DDAH1: variants seen among roughly 807,000 people sequenced by gnomAD.
The protein encoded by DDAH1 is N(G),N(G)-dimethylarginine dimethylaminohydrolase 1.
DDAH1 carries 19 observed loss-of-function variants against 28.8 expected under a neutral mutation model. The observed-to-expected ratio is 0.66, with a 90% CI of 0.46 to 0.97. The LOEUF (loss-of-function observed/expected upper bound fraction) is 0.97. Ranked by LOEUF, DDAH1 falls within the 50% of genes least tolerant of loss-of-function variation. The pLI is 0.00. For synonymous variants in DDAH1, 153 were observed against 154.4 expected (o/e 0.99, Z 0.07); for missense variants, 326 against 375.9 (o/e 0.87, Z 1.10).
intron 1 of DDAH1, among the ~76,000 whole-genome samples, chr1:85,365,057 T>C (rs1223966204): frequency 5.9e-5 from 9 of 152,210 alleles, no homozygotes; most frequent in Admixed American, 5.9e-4. Flanking sequence ...TGCCAGGCAC[T>C]CTACTATGAA....
At chr1:85,343,413 G>A (rs990800738) in intron 4 of DDAH1, among the ~76,000 whole-genome samples, 4 of 152,236 alleles carry the variant, frequency 2.6e-5, no homozygotes, top group African/African-American at 9.6e-5. Flanking sequence ...CCAGGAAAAG[G>A]AGCATAAACA....
In DDAH1 at chr1:85,465,018, A is replaced by G; in HGVS notation, c.28T>C (p.Phe10Leu). 1 of 1,336,882 alleles carries G rather than the reference A, an allele frequency of 7.5e-7. No individual in the cohort carries two copies. Among genetic ancestry groups the G allele is most frequent in the South Asian group, 2.0e-5 (1 of 51,122 alleles). 82.8% of individuals were successfully genotyped at this position (1,336,882 alleles called of 1,614,324 possible). The change falls in exon 1 of 6, where the codon TTC (phenylalanine) becomes CTC (leucine). Residue 10 changes from phenylalanine to leucine, a missense_variant. Coordinates refer to ENST00000284031, the MANE Select transcript of DDAH1 (RefSeq NM_012137.4). ...ACCACGGCGTGGGTGGCCCGGCCGAAGGCGGCGGGGTGGCCGAGCCCGGCC... is the reference window on the plus strand; with the variant it reads ...ACCACGGCGTGGGTGGCCCGGCCGAGGGCGGCGGGGTGGCCGAGCCCGGCC... The part of the protein sequence containing the change: MAGLGHPAA[F>L]GRATHAVVRA...
intron 1 of DDAH1, among the ~76,000 whole-genome samples, chr1:85,558,327 A>G (rs1245006880): frequency 6.6e-6 from 1 of 152,226 alleles, no homozygotes; most frequent in Non-Finnish European, 1.5e-5. Context: ...GCACGACTGC[A>G]CTCCAGCCTG....
At chr1:85,325,282 C>A (rs1647300878) in intron 4 of DDAH1, among the ~76,000 whole-genome samples, 2 of 152,112 alleles carry the variant, frequency 1.3e-5, no homozygotes. Flanking sequence ...AAGGGCCATA[C>A]CAGTAATCAG....
At chr1:85,400,237 C>A (rs1652023820) in intron 1 of DDAH1, among the ~76,000 whole-genome samples, 1 of 66,884 alleles carries the variant, frequency 1.5e-5, no homozygotes, top group Non-Finnish European at 2.7e-5. Context: ...GTTGCCCAGG[C>A]TGGAAGTACA....
intron 4 of DDAH1, among the ~76,000 whole-genome samples, chr1:85,347,057 C>T (rs4001163): frequency 0.29 from 43,634 of 151,660 alleles, 7,118 homozygotes; most frequent in South Asian, 0.4. Context: ...AAATCAAAAC[C>T]ACAATGAGAT....
intron 2 of DDAH1, among the ~76,000 whole-genome samples, chr1:85,354,790 T>C (rs1649406233): frequency 1.3e-5 from 2 of 152,016 alleles, no homozygotes; most frequent in South Asian, 2.1e-4. Context: ...TCTGCTAAAG[T>C]AGTACTTGGA....
chr1:85,529,784 A>G (rs1328973903), intron 1 of DDAH1, among the ~76,000 whole-genome samples: 2 of 148,404 alleles, frequency 1.3e-5, no homozygotes, highest in African/African-American at 5.0e-5. Flanking sequence ...TTTTCTGGTC[A>G]CTCCATAACA....
At position 85,464,871 on chromosome 1, in the gene DDAH1, C is replaced by T. The variant is rs372772469; in HGVS notation, c.175G>A (p.Gly59Arg). The change falls in exon 1 of 6, where the codon GGG becomes AGG. Residue 59 changes from glycine to arginine, a missense_variant. Transcript: ENST00000284031. This position sits in a 1 kb window ranked among gnomAD's most constrained non-coding sequence, Gnocchi z 4.4. ...GCCGGCAGCTCCACCACCTGCAGCC[C>T]CAGCTTGCTGCCCAGCACGCCCACG... ...LYVGVLGSKL[G>R]LQVVELPADE... 1.9e-6 allele frequency: 3 copies of T among 1,584,502 alleles called. No individual in the cohort carries two copies. Among genetic ancestry groups the T allele is most frequent in the Non-Finnish European group, 1.7e-6 (2 of 1,174,030 alleles).
At chr1:85,379,982 A>G (rs1650893443) in intron 1 of DDAH1, among the ~76,000 whole-genome samples, 1 of 152,206 alleles carries the variant, frequency 6.6e-6, no homozygotes, top group African/African-American at 2.4e-5. Context: ...TTCATCTCAC[A>G]CACTGGAGCC....
At chr1:85,536,347 G>A (rs1275740929) in intron 1 of DDAH1, among the ~76,000 whole-genome samples, 3 of 151,986 alleles carry the variant, frequency 2.0e-5, no homozygotes, top group Non-Finnish European at 4.4e-5. Context: ...GAGGTCAGGA[G>A]ATCGAGACCA....
intron 1 of DDAH1, among the ~76,000 whole-genome samples, chr1:85,405,742 G>C (rs1195443905): frequency 6.6e-6 from 1 of 152,192 alleles, no homozygotes; most frequent in East Asian, 1.9e-4. Context: ...GAGAGCCTCA[G>C]AGAGGGGAGA....
intron 1 of DDAH1, among the ~76,000 whole-genome samples, chr1:85,435,585 T>C (rs1262109453): frequency 3.3e-5 from 5 of 152,038 alleles, no homozygotes; most frequent in African/African-American, 1.2e-4. Context: ...TACGGAAAAG[T>C]AGTGAAGAGT....
chr1:85,425,069 T>C (rs780696898), intron 1 of DDAH1, among the ~76,000 whole-genome samples: 9 of 152,084 alleles, frequency 5.9e-5, no homozygotes, highest in Admixed American at 2.6e-4. Flanking sequence ...TCATACAGTA[T>C]CTTTTAAAAT....
At chr1:85,381,719 GTT>G (rs35392469) in intron 1 of DDAH1, among the ~76,000 whole-genome samples, 97 of 147,980 alleles carry the variant, frequency 6.6e-4, no homozygotes, top group African/African-American at 2.2e-3. Context: ...TGCAGATACT[GTT>G]TTTTTTTTTA....
intron 1 of DDAH1, among the ~76,000 whole-genome samples, chr1:85,513,581 A>G (rs1341056992): frequency 6.6e-6 from 1 of 152,226 alleles, no homozygotes; most frequent in East Asian, 1.9e-4. Context: ...AGAGTGGGAG[A>G]AAAAGTTTGC....
intron 1 of DDAH1, among the ~76,000 whole-genome samples, chr1:85,452,639 A>C (rs1282553902): frequency 6.6e-6 from 1 of 152,204 alleles, no homozygotes; most frequent in Non-Finnish European, 1.5e-5. Context: ...GTAAAAGAAC[A>C]AACTCATAGT....
At chr1:85,504,593 G>C (rs868787493) in intron 1 of DDAH1, among the ~76,000 whole-genome samples, 1 of 152,106 alleles carries the variant, frequency 6.6e-6, no homozygotes, top group Non-Finnish European at 1.5e-5. Flanking sequence ...AGAATGTCTG[G>C]AACTTTCTAA....
chr1:85,456,864 C>A (rs1475118567), intron 1 of DDAH1, among the ~76,000 whole-genome samples: 1 of 151,984 alleles, frequency 6.6e-6, no homozygotes, highest in African/African-American at 2.4e-5. Context: ...CCCTCCACCA[C>A]CAAAAAAGTG....
Sources: allele counts gnomAD v4.1 joint callset (sites outside exome capture counted in the v4.1 genomes callset), GRCh38; gene constraint gnomAD v4.1.1; non-coding constraint Gnocchi (gnomAD v3.1); transcripts MANE v1.5; gene names NCBI Gene and HGNC (gene_info 2026-07-23, HGNC 2026-07-21).